Variants in GLI2 observed in about 807,000 individuals in gnomAD.
GLI2 encodes the protein transcription activator GLI2.
Under a neutral mutation model 78.9 loss-of-function variants are expected in GLI2, and 22 were observed. The observed-to-expected ratio is 0.28, with a 90% CI of 0.20 to 0.40. The LOEUF (loss-of-function observed/expected upper bound fraction) is 0.40, where lower values mean the gene tolerates loss of function less well. Ranked by LOEUF, GLI2 falls within the 10% of genes least tolerant of loss-of-function variation. The probability of loss-of-function intolerance (pLI) is 1.00; values close to 1 mark genes in which losing one functional copy is unlikely to be tolerated. For missense variants in GLI2, 2,097 were observed against 2,213.2 expected (o/e 0.95, Z 1.05); for synonymous variants, 974 against 963.7 (o/e 1.01, Z -0.20).
At position 120,918,438 on chromosome 2, in the gene GLI2, CTTTTTTT is replaced by C. The variant is rs563960856; in HGVS notation, c.149-8910_149-8904del. Among the ~76,000 whole-genome samples, 22 of 127,048 alleles carry C rather than the reference CTTTTTTT, an allele frequency of 1.7e-4. No individual in the cohort carries two copies. The South Asian group carries it at 5.2e-3, about 30-fold the overall frequency. 83.3% of individuals were successfully genotyped at this position (127,048 alleles called of 152,430 possible). On this transcript the variant is annotated intron_variant, in intron 2 of 13. Coordinates refer to ENST00000361492, the MANE Select transcript of GLI2 (RefSeq NM_001374353.1). ...CTACTCTATGGACACCATAAATATT[CTTTTTTT>C]TTTTTTTTTTTTGGATATGGAGCCT...
At chr2:120,807,098 G>T (rs1684991826) in intron 2 of GLI2, among the ~76,000 whole-genome samples, 1 of 152,200 alleles carries the variant, frequency 6.6e-6, no homozygotes, top group South Asian at 2.1e-4. Context: ...CAGATCAGGG[G>T]GCTGGGGAGG....
intron 2 of GLI2, among the ~76,000 whole-genome samples, chr2:120,894,203 C>T (rs566633694): frequency 1.0e-3 from 156 of 152,346 alleles, no homozygotes; most frequent in African/African-American, 3.6e-3. Context: ...TTTCCTGGTT[C>T]TTCCCAAGCA....
In GLI2 at chr2:120,741,607, C is replaced by T. The variant is rs866705532; in HGVS notation, c.-31+5322C>T. 6.6e-5 allele frequency among the ~76,000 whole-genome samples: 10 copies of T among 152,186 alleles called. No homozygotes were observed. In the Middle Eastern group the frequency reaches 0.01, roughly 155 times the overall value. The stretch of plus-strand genomic sequence containing the variant: ...CTTTTCCCATCTTTCCCTCCCGTTC[C>T]CTCCGCCTCCTCCCCGCCCCCGCCG... On this transcript the variant is annotated intron_variant, in intron 1 of 13. Coordinates refer to ENST00000361492, the MANE Select transcript of GLI2 (RefSeq NM_001374353.1).
chr2:120,923,441 A>G (rs1679497635), intron 2 of GLI2, among the ~76,000 whole-genome samples: 1 of 152,118 alleles, frequency 6.6e-6, no homozygotes, highest in African/African-American at 2.4e-5. Flanking sequence ...GTATATACAC[A>G]CAGCAACATG....
At chr2:120,801,593 G>T (rs1163607762) in intron 2 of GLI2, among the ~76,000 whole-genome samples, 1 of 152,214 alleles carries the variant, frequency 6.6e-6, no homozygotes, top group East Asian at 1.9e-4. Flanking sequence ...GAACATGCTT[G>T]TATTCTAATA....
At chr2:120,904,742 T>C (rs1431262559) in intron 2 of GLI2, among the ~76,000 whole-genome samples, 2 of 152,196 alleles carry the variant, frequency 1.3e-5, no homozygotes, top group Non-Finnish European at 2.9e-5. Context: ...GGGCTGGGTT[T>C]TGGCCTCTCT....
intron 3 of GLI2, among the ~76,000 whole-genome samples, chr2:120,941,557 A>G (rs1459070900): frequency 6.6e-6 from 1 of 152,212 alleles, no homozygotes; most frequent in Non-Finnish European, 1.5e-5. Flanking sequence ...CCTGGCAGTA[A>G]GAAGTTCCAG....
intron 2 of GLI2, among the ~76,000 whole-genome samples, chr2:120,877,272 C>CT (rs1452636768): frequency 1.3e-5 from 2 of 152,210 alleles, no homozygotes; most frequent in African/African-American, 2.4e-5. Flanking sequence ...CCCTGGGTCA[C>CT]TTATTTGTTT....
chr2:120,969,111 A>T (rs1207496476), intron 6 of GLI2, among the ~76,000 whole-genome samples, 196 bp downstream of exon 6: 1 of 152,250 alleles, frequency 6.6e-6, no homozygotes, highest in Admixed American at 6.5e-5. Flanking sequence ...CCCATATCTG[A>T]GTACATCTTC....
chr2:120,989,387 C>T lies in GLI2; in HGVS notation c.3422C>T (p.Ala1141Val), dbSNP rs999901522. The change falls in exon 14 of 14, where the codon GCC becomes GTC. Residue 1141 changes from alanine (A) to valine (V), a missense_variant. This residue lies in a region of GLI2 where 1,290 missense variants were observed against 1,261.7 expected (regional missense o/e 1.02). Transcript: ENST00000361492. ...EVSSGTVDAL[A>V]SQVKPPPFPQ... is the part of the protein sequence containing the mutation. ...AGCTCCGGCACCGTAGACGCCCTGG[C>T]CAGCCAGGTGAAGCCTCCACCCTTT... The T allele has an allele frequency of 6.2e-6, 10 of 1,612,888 alleles. No homozygotes were observed. The highest frequency in any genetic ancestry group is 8.5e-6 in the Non-Finnish European group (10 of 1,179,970).
At chr2:120,758,022 A>G (rs542593399) in intron 1 of GLI2, among the ~76,000 whole-genome samples, 21 of 152,264 alleles carry the variant, frequency 1.4e-4, no homozygotes, top group African/African-American at 5.1e-4. Context: ...TCTGATTTTA[A>G]GTGGTGTGAG....
At chr2:120,761,591 G>T (rs1171197598) in intron 1 of GLI2, among the ~76,000 whole-genome samples, 1 of 152,176 alleles carries the variant, frequency 6.6e-6, no homozygotes, top group African/African-American at 2.4e-5. Context: ...TAGGAGGAGT[G>T]TGGAGGCAGA....
intron 2 of GLI2, among the ~76,000 whole-genome samples, chr2:120,830,818 CCTT>C (rs1686323726): frequency 6.6e-6 from 1 of 152,130 alleles, no homozygotes; most frequent in South Asian, 2.1e-4. Flanking sequence ...TTCTCTCTGT[CCTT>C]CTCTGACTTT....
intron 2 of GLI2, among the ~76,000 whole-genome samples, chr2:120,887,515 G>A (rs572926053): frequency 2.6e-5 from 4 of 152,384 alleles, no homozygotes; most frequent in South Asian, 4.1e-4. Context: ...ACTGTTTGAG[G>A]TTAGGCTTGA....
At chr2:120,743,430 C>G (rs1355296225) in intron 1 of GLI2, among the ~76,000 whole-genome samples, 1 of 151,868 alleles carries the variant, frequency 6.6e-6, no homozygotes, top group Non-Finnish European at 1.5e-5. Flanking sequence ...ATAGCGATAC[C>G]CTGTCTCTAC....
chr2:120,753,282 G>A (rs917748523), intron 1 of GLI2, among the ~76,000 whole-genome samples: 2 of 152,152 alleles, frequency 1.3e-5, no homozygotes, highest in East Asian at 3.9e-4. Flanking sequence ...TTTCAGTAGA[G>A]ACAGGGTTTC....
At chr2:120,835,471 C>G (rs1053451433) in intron 2 of GLI2, among the ~76,000 whole-genome samples, 1 of 151,746 alleles carries the variant, frequency 6.6e-6, no homozygotes, top group Non-Finnish European at 1.5e-5. Flanking sequence ...GTGCAACCCC[C>G]GTCTCCTGGG....
At chr2:120,820,562 G>A (rs544210576) in intron 2 of GLI2, among the ~76,000 whole-genome samples, 37 of 152,348 alleles carry the variant, frequency 2.4e-4, no homozygotes, top group African/African-American at 8.7e-4. Flanking sequence ...GCAACCCCCA[G>A]GTAGGCTGGC....
intron 2 of GLI2, among the ~76,000 whole-genome samples, chr2:120,817,433 A>G (rs1685550428): frequency 6.6e-6 from 1 of 151,872 alleles, no homozygotes; most frequent in South Asian, 2.1e-4. Context: ...ACTTCACCCC[A>G]TTGGCCCCGC....
Sources: gnomAD v4.1 joint callset for allele counts (sites outside exome capture counted in the v4.1 genomes callset) on GRCh38, gnomAD v4.1.1 for gene constraint, gnomAD v4.1.1 regional missense constraint, MANE v1.5 for transcripts, NCBI Gene and HGNC (gene_info 2026-07-23, HGNC 2026-07-21) for gene names.